Variants in SLC22A16 observed in about 807,000 individuals in gnomAD.
The protein encoded by SLC22A16 is WUGSC:RG331P03.1.
A neutral mutation model predicts 52.9 loss-of-function variants in SLC22A16; 53 were observed. The observed-to-expected ratio is 1.00, with a 90% CI of 0.80 to 1.26. The LOEUF is 1.26. SLC22A16 is among the 50% of genes most tolerant of loss of function. SLC22A16 has a pLI of 0.00. For synonymous variants in SLC22A16, 291 were observed against 268.8 expected (o/e 1.08, Z -0.81); for missense variants, 726 against 704.0 (o/e 1.03, Z -0.35).
Position 110,473,548 on chromosome 6 carries a change from G to A in SLC22A16, c.53+2974C>T, listed in dbSNP as rs570250656. 5.3e-5 allele frequency among the ~76,000 whole-genome samples: 5 copies of A among 95,164 alleles called. 1 individual carries two copies. The East Asian group carries it at 9.9e-4, about 19-fold the overall frequency. The allele number at this position is 95,164 out of a possible 152,430, so 62.4% of individuals were successfully genotyped here. On this transcript the variant is annotated intron_variant, in intron 1 of 7. Coordinates refer to ENST00000368919, the MANE Select transcript of SLC22A16 (RefSeq NM_033125.4). ...TTTTTTTTTTTTTTTTTTTTGAGAC[G>A]GAATCTCGTTCTGTCGCCCGGGCTG...
chr6:110,453,348 T>C (rs1036686920), intron 2 of SLC22A16, among the ~76,000 whole-genome samples: 3 of 152,212 alleles, frequency 2.0e-5, no homozygotes, highest in Non-Finnish European at 4.4e-5. Flanking sequence ...TGGTTTTCAC[T>C]GAGCTACTTA....
chr6:110,451,433 G>A (rs576596699), intron 2 of SLC22A16, among the ~76,000 whole-genome samples: 1 of 152,322 alleles, frequency 6.6e-6, no homozygotes. Context: ...CAGGATGAGA[G>A]ATCCTATTAC....
intron 1 of SLC22A16, among the ~76,000 whole-genome samples, chr6:110,461,539 A>C (rs1240017055): frequency 6.6e-6 from 1 of 152,046 alleles, no homozygotes; most frequent in Non-Finnish European, 1.5e-5. Flanking sequence ...CTAGAGACTG[A>C]ACTGCATCAT....
intron 1 of SLC22A16, chr6:110,474,983 A>C (rs566345128): frequency 1.1e-4 from 59 of 519,048 alleles, no homozygotes; most frequent in African/African-American, 1.1e-3. Flanking sequence ...CCTCATATAC[A>C]CATTTTCACT....
At chr6:110,437,215 G>A (rs2114916750) in intron 5 of SLC22A16, among the ~76,000 whole-genome samples, 1 of 152,204 alleles carries the variant, frequency 6.6e-6, no homozygotes, top group South Asian at 2.1e-4. Flanking sequence ...ATTATCACCT[G>A]GGGAAAAATT....
chr6:110,424,749 T>C lies in SLC22A16; in HGVS notation c.*124A>G. The C allele has an allele frequency of 8.5e-7, 1 of 1,179,542 alleles. No individual in the cohort carries two copies. Among genetic ancestry groups the C allele is most frequent in the Admixed American group, 2.7e-5 (1 of 36,432 alleles). The allele number at this position is 1,179,542 out of a possible 1,614,324, so 73.1% of individuals were successfully genotyped here. ...CTTTTATAACATATTTGCTTTAAAA[T>C]TTTCTTACAAAATTTATTAAAAAGA... On this transcript the variant is annotated 3_prime_UTR_variant, in exon 8 of 8. Transcript: ENST00000368919.
intron 1 of SLC22A16, among the ~76,000 whole-genome samples, chr6:110,463,514 T>TAAAAAAAAA (rs386408237): frequency 0.013 from 681 of 52,884 alleles, 1 homozygote; most frequent in Middle Eastern, 0.025. Flanking sequence ...GTAACAACAG[T>TAAAAAAAAA]AAAAAAAAAA....
rs867160875 is a variant in SLC22A16 at position 110,435,804 on chromosome 6, A to G, written c.1421+48T>C. On this transcript the variant is annotated intron_variant, in intron 6 of 7. Coordinates refer to ENST00000368919, the MANE Select transcript of SLC22A16 (RefSeq NM_033125.4). ...AAGGCCAAATACAATGAAATGACAC[A>G]CAAGTGAAAGATAATAGGAAAACAA... The G allele has an allele frequency of 5.1e-6, 7 of 1,376,070 alleles. No individual in the cohort carries two copies. The Middle Eastern group carries it at 5.5e-4, about 108-fold the overall frequency. 85.2% of individuals were successfully genotyped at this position (1,376,070 alleles called of 1,614,324 possible).
Position 110,476,555 on chromosome 6 carries a change from T to G in SLC22A16, c.20A>C (p.Glu7Ala), listed in dbSNP as rs1332771757. The change falls in exon 1 of 8, where the codon GAG becomes GCG. Residue 7 changes from glutamate (E) to alanine (A), a missense_variant. Physicochemically the swap from Glu to Ala is moderately radical, Grantham distance 107 (BLOSUM62 -1). Transcript: ENST00000368919. ...GTGCCCCACGTGGTCATAAATCCCC[T>G]CGAAGTGGCGGGACCCCATGGTGCG... MGSRHF[E>A]GIYDHVGHFG... 6.8e-7 allele frequency: 1 copy of G among 1,478,932 alleles called. No individual in the cohort carries two copies. Among genetic ancestry groups the G allele is most frequent in the Non-Finnish European group, 8.9e-7 (1 of 1,120,010 alleles). The allele number at this position is 1,478,932 out of a possible 1,614,324, so 91.6% of individuals were successfully genotyped here.
chr6:110,472,814 G>A (rs902221624), intron 1 of SLC22A16, among the ~76,000 whole-genome samples: 4 of 152,126 alleles, frequency 2.6e-5, no homozygotes, highest in Non-Finnish European at 4.4e-5. Flanking sequence ...AAACACAATC[G>A]GCAGAAAACC....
At chr6:110,450,849 G>A (rs781197633) in intron 2 of SLC22A16, among the ~76,000 whole-genome samples, 10 of 152,142 alleles carry the variant, frequency 6.6e-5, no homozygotes, top group Non-Finnish European at 1.5e-4. Flanking sequence ...ATGATTGCCA[G>A]CCTCCTGATA....
intron 3 of SLC22A16, among the ~76,000 whole-genome samples, chr6:110,446,192 G>A (rs1260697294): frequency 6.6e-6 from 1 of 152,068 alleles, no homozygotes; most frequent in Non-Finnish European, 1.5e-5. Context: ...CTTGATAGTT[G>A]GAAATCTATC....
At chr6:110,463,078 G>A (rs935930560) in intron 1 of SLC22A16, among the ~76,000 whole-genome samples, 6 of 151,898 alleles carry the variant, frequency 4.0e-5, no homozygotes, top group Non-Finnish European at 7.4e-5. Context: ...CAAACACTAA[G>A]GGAATTAATC....
In SLC22A16 at chr6:110,476,325, T is replaced by C. The variant is rs1582606139; in HGVS notation, c.53+197A>G. ...CAGCGCCTCTGCTCACCATGCCAGG[T>C]CCCGCTGCCAGAGGCCTAGAGGAGA... On this transcript the variant is annotated intron_variant, in intron 1 of 7. Transcript: ENST00000368919. 6 of 1,375,896 alleles carry C rather than the reference T, an allele frequency of 4.4e-6. No homozygotes were observed. The East Asian group carries it at 1.7e-4, about 38-fold the overall frequency. The allele number at this position is 1,375,896 out of a possible 1,614,324, so 85.2% of individuals were successfully genotyped here.
intron 3 of SLC22A16, among the ~76,000 whole-genome samples, chr6:110,445,171 G>T (rs527243124): frequency 6.6e-6 from 1 of 152,148 alleles, no homozygotes; most frequent in South Asian, 2.1e-4. Context: ...ATCCTACAAA[G>T]CCCCACCTAA....
intron 2 of SLC22A16, among the ~76,000 whole-genome samples, chr6:110,448,309 T>A (rs145259638): frequency 1.3e-5 from 2 of 152,378 alleles, no homozygotes; most frequent in East Asian, 3.9e-4. Context: ...TAGAGAAATG[T>A]TTATCCAAAT....
chr6:110,476,508 C>CACCA lies in SLC22A16; in HGVS notation c.53+13_53+14insTGGT. On this transcript the variant is annotated intron_variant, in intron 1 of 7. Transcript: ENST00000368919. The stretch of plus-strand genomic sequence containing the variant: ...CCGCCTCCCGCGTGGCGCCGCGGGG[C>CACCA]CCCTCCCCCATACCTGCCGAAGTGC... 1 of 1,361,082 alleles carries CACCA rather than the reference C, an allele frequency of 7.3e-7. No homozygotes were observed. Among genetic ancestry groups the CACCA allele is most frequent in the South Asian group, 1.4e-5 (1 of 70,830 alleles). 84.3% of individuals were successfully genotyped at this position (1,361,082 alleles called of 1,614,324 possible).
intron 7 of SLC22A16, among the ~76,000 whole-genome samples, chr6:110,427,829 C>T (rs1774329426): frequency 6.6e-6 from 1 of 152,156 alleles, no homozygotes; most frequent in Non-Finnish European, 1.5e-5. Flanking sequence ...ATCATTACTG[C>T]TGTTGTATCT....
At chr6:110,458,601 G>C (rs193124590) in intron 1 of SLC22A16, among the ~76,000 whole-genome samples, 2 of 152,358 alleles carry the variant, frequency 1.3e-5, no homozygotes, top group East Asian at 3.9e-4. Context: ...GGGAAGCCCA[G>C]ATAGCTGGCA....
Sources: gnomAD v4.1 joint callset for allele counts (sites outside exome capture counted in the v4.1 genomes callset) on GRCh38, gnomAD v4.1.1 for gene constraint, MANE v1.5 for transcripts, NCBI Gene and HGNC (gene_info 2026-07-23, HGNC 2026-07-21) for gene names.